The following RBFOX1 variants were observed in gnomAD, a reference collection of about 807,000 sequenced individuals.
RBFOX1 encodes the protein RNA binding fox-1 homolog 1.
In RBFOX1, 8 loss-of-function variants were observed where a neutral mutation model predicts 57.7. The ratio of observed to expected loss-of-function variants is 0.14; its 90% CI spans 0.08 to 0.25. The LOEUF (loss-of-function observed/expected upper bound fraction) is 0.25, where lower values mean the gene tolerates loss of function less well. RBFOX1 is among the 10% of genes least tolerant of loss of function. The pLI is 1.00. For synonymous variants in RBFOX1, 326 were observed against 222.4 expected (o/e 1.47, Z -4.15); for missense variants, 611 against 548.5 (o/e 1.11, Z -1.14).
At chr16:7,029,439 G>C (rs922415598) in intron 3 of RBFOX1, among the ~76,000 whole-genome samples, 1 of 151,600 alleles carries the variant, frequency 6.6e-6, no homozygotes, top group South Asian at 2.1e-4. Context: ...TCTCTGTCAA[G>C]AAAAATCATC....
chr16:6,231,197 G>GGTGT (rs1333951748), intron 1 of RBFOX1, among the ~76,000 whole-genome samples: 1 of 145,796 alleles, frequency 6.9e-6, no homozygotes, highest in Non-Finnish European at 1.5e-5. Context: ...GAGATAGAGG[G>GGTGT]GTGTGTGTGT....
chr16:5,451,267 C>T (rs900959214), intron 1 of RBFOX1, among the ~76,000 whole-genome samples: 2 of 152,130 alleles, frequency 1.3e-5, no homozygotes, highest in Non-Finnish European at 2.9e-5. Flanking sequence ...AGATATCCTG[C>T]TGAAGGATCA....
chr16:7,518,376 C>T lies in RBFOX1; in HGVS notation c.257C>T (p.Ser86Phe). The T allele has an allele frequency of 6.2e-7, 1 of 1,609,088 alleles. No homozygotes were observed. Among genetic ancestry groups the T allele is most frequent in the Non-Finnish European group, 8.5e-7 (1 of 1,176,498 alleles). The stretch of plus-strand genomic sequence containing the variant: ...GCGGACACGAGCGCTCAGACCGTCT[C>T]TGGCACCGCCACAGTAAGTGGACGT... ...SPADTSAQTVSGTATQTDDAA... is the reference protein window; with the variant it reads ...SPADTSAQTVFGTATQTDDAA... The change falls in exon 5 of 16, where the codon TCT becomes TTT. Residue 86 changes from serine to phenylalanine, a missense_variant. This residue lies in a region of RBFOX1 where 245 missense variants were observed against 159.1 expected (regional missense o/e 1.54). Transcript: ENST00000550418.
At position 6,614,806 on chromosome 16, in the gene RBFOX1, C is replaced by A. The variant is rs190982183; in HGVS notation, c.-63-39797C>A. On this transcript the variant is annotated intron_variant, in intron 2 of 15. Transcript: ENST00000550418. ...TTTATGAGGACATCAGTCATATTGACCTAGGGACTCACCCTACTCCAGGGT... is the reference window on the plus strand; with the variant it reads ...TTTATGAGGACATCAGTCATATTGAACTAGGGACTCACCCTACTCCAGGGT... Among the ~76,000 whole-genome samples, 165 of 152,258 alleles carry A rather than the reference C, an allele frequency of 1.1e-3. 1 individual carries two copies. Among genetic ancestry groups the A allele is most frequent in the Non-Finnish European group, 7.4e-4 (50 of 68,014 alleles).
intron 2 of RBFOX1, among the ~76,000 whole-genome samples, chr16:5,554,889 A>G (rs946120098): frequency 1.2e-4 from 18 of 152,184 alleles, no homozygotes; most frequent in South Asian, 1.0e-3. Flanking sequence ...GGTACAACCT[A>G]CAGACCTTGA....
At chr16:6,592,455 A>C (rs1486586366) in intron 2 of RBFOX1, among the ~76,000 whole-genome samples, 6 of 152,214 alleles carry the variant, frequency 3.9e-5, no homozygotes, top group Admixed American at 3.9e-4. Flanking sequence ...TTACATGGCA[A>C]GAATTGTGCA....
At chr16:5,873,447 C>A (rs1245607792) in intron 4 of RBFOX1, among the ~76,000 whole-genome samples, 1 of 152,186 alleles carries the variant, frequency 6.6e-6, no homozygotes, top group Non-Finnish European at 1.5e-5. Context: ...TCATCTCCGT[C>A]CTTGAAGCCA....
At chr16:6,211,820 T>TTTTA (rs200566514) in intron 1 of RBFOX1, among the ~76,000 whole-genome samples, 19,014 of 140,752 alleles carry the variant, frequency 0.14, 1,351 homozygotes, top group East Asian at 0.27. Context: ...GGAATACATC[T>TTTTA]TTTATTTATT....
At chr16:5,778,368 C>G (rs907044961) in intron 3 of RBFOX1, among the ~76,000 whole-genome samples, 3 of 152,190 alleles carry the variant, frequency 2.0e-5, no homozygotes, top group African/African-American at 7.2e-5. Flanking sequence ...CTGGCTAGTT[C>G]TCTGATCACC....
intron 3 of RBFOX1, among the ~76,000 whole-genome samples, chr16:6,809,837 G>C (rs75583539): frequency 6.6e-6 from 1 of 152,096 alleles, no homozygotes; most frequent in South Asian, 2.1e-4. Flanking sequence ...GAGTGCTGTC[G>C]TACCAAGTGT....
At chr16:6,679,998 A>G (rs1479798759) in intron 3 of RBFOX1, among the ~76,000 whole-genome samples, 3 of 149,114 alleles carry the variant, frequency 2.0e-5, no homozygotes, top group Non-Finnish European at 4.4e-5. Flanking sequence ...AGGATGGTTG[A>G]AATTTATACT....
rs375346127 is a variant in RBFOX1, at chr16:7,669,911, G to C, written c.930+4943G>C. On this transcript the variant is annotated intron_variant, in intron 13 of 15. Transcript: ENST00000550418. ...GAGACCTCAGTCCACCAAGAAATCA[G>C]GCGAATGCTGTGTTTGCAATGGGAG... 2.6e-4 allele frequency among the ~76,000 whole-genome samples: 40 copies of C among 152,260 alleles called. No individual in the cohort carries two copies. The East Asian group carries it at 4.8e-3, about 18-fold the overall frequency.
chr16:6,076,697 A>G (rs2095906999), intron 1 of RBFOX1, among the ~76,000 whole-genome samples: 1 of 152,186 alleles, frequency 6.6e-6, no homozygotes, highest in South Asian at 2.1e-4. Context: ...GTACTGCTTC[A>G]AAGACACAGA....
chr16:6,350,030 C>G (rs943840813), intron 2 of RBFOX1, among the ~76,000 whole-genome samples: 3 of 152,086 alleles, frequency 2.0e-5, no homozygotes, highest in Non-Finnish European at 2.9e-5. Flanking sequence ...CTTTGGTACG[C>G]TCAAGTATCC....
At chr16:7,574,716 CT>C (rs1243932409) in intron 5 of RBFOX1, among the ~76,000 whole-genome samples, 1 of 152,118 alleles carries the variant, frequency 6.6e-6, no homozygotes, top group East Asian at 1.9e-4. Context: ...TGTTTATCTC[CT>C]TTGGCAGCAC....
intron 4 of RBFOX1, among the ~76,000 whole-genome samples, chr16:7,368,218 G>C (rs1373533728): frequency 1.3e-5 from 2 of 149,472 alleles, no homozygotes; most frequent in African/African-American, 5.0e-5. Context: ...AATAAGCCAA[G>C]ATCCTGCCAC....
At chr16:5,897,958 T>A (rs187103806) in intron 4 of RBFOX1, among the ~76,000 whole-genome samples, 10 of 152,146 alleles carry the variant, frequency 6.6e-5, no homozygotes, top group Admixed American at 5.2e-4. Flanking sequence ...CTTCTGGGTA[T>A]GTATTGGTTT....
intron 1 of RBFOX1, among the ~76,000 whole-genome samples, chr16:6,065,053 G>C (rs1320727391): frequency 6.7e-6 from 1 of 149,930 alleles, no homozygotes; most frequent in African/African-American, 2.5e-5. Flanking sequence ...CTTGAGACAG[G>C]GTCTTGTTCT....
At chr16:6,792,912 C>A (rs1303559898) in intron 3 of RBFOX1, among the ~76,000 whole-genome samples, 1 of 151,864 alleles carries the variant, frequency 6.6e-6, no homozygotes, top group African/African-American at 2.4e-5. Context: ...CACCTGTAAT[C>A]CAAGCTACTA....
Sources: allele counts gnomAD v4.1 joint callset (sites outside exome capture counted in the v4.1 genomes callset), GRCh38; gene constraint gnomAD v4.1.1; regional missense constraint gnomAD v4.1.1; transcripts MANE v1.5; gene names NCBI Gene and HGNC (gene_info 2026-07-23, HGNC 2026-07-21).